RAD51B: variants seen among roughly 807,000 people sequenced by gnomAD.
The protein encoded by RAD51B is RAD51 paralog B, also known as DNA repair protein RAD51 homolog 2.
In RAD51B, 38 loss-of-function variants were observed where a neutral mutation model predicts 42.2. The observed-to-expected ratio is 0.90, with a 90% CI of 0.70 to 1.18. RAD51B has a LOEUF of 1.18. Ranked by LOEUF, RAD51B falls within the 50% of genes most tolerant of loss-of-function variation. The pLI is 0.00. For missense variants in RAD51B, 373 were observed against 400.7 expected (o/e 0.93, Z 0.59); for synonymous variants, 154 against 145.2 (o/e 1.06, Z -0.43).
chr14:68,107,894 A>T (rs550105682), intron 7 of RAD51B, among the ~76,000 whole-genome samples: 30 of 151,982 alleles, frequency 2.0e-4, no homozygotes, highest in African/African-American at 6.7e-4. Flanking sequence ...CTTGAAAGAC[A>T]GTCCACAGAA....
intron 7 of RAD51B, among the ~76,000 whole-genome samples, chr14:67,946,886 C>T (rs1195598695): frequency 6.6e-6 from 1 of 152,086 alleles, no homozygotes; most frequent in Non-Finnish European, 1.5e-5. Flanking sequence ...TTATATATTT[C>T]TGATTAAGTT....
chr14:68,129,619 C>T (rs2077843713), intron 7 of RAD51B, among the ~76,000 whole-genome samples: 1 of 152,052 alleles, frequency 6.6e-6, no homozygotes. Flanking sequence ...GACTTGACTG[C>T]AAAACTAAAT....
At chr14:68,506,572 T>C (rs980905050) in intron 10 of RAD51B, among the ~76,000 whole-genome samples, 2 of 152,238 alleles carry the variant, frequency 1.3e-5, no homozygotes, top group Non-Finnish European at 2.9e-5. Flanking sequence ...CGTGGGAATA[T>C]AAACATCCTT....
At chr14:68,657,673 G>A (rs908937280) in intron 11 of RAD51B, among the ~76,000 whole-genome samples, 1 of 152,256 alleles carries the variant, frequency 6.6e-6, no homozygotes, top group African/African-American at 2.4e-5. Context: ...TTCTTCCTAT[G>A]TGTGTACTGA....
chr14:68,231,757 C>T (rs1254006564), intron 7 of RAD51B, among the ~76,000 whole-genome samples: 3 of 152,126 alleles, frequency 2.0e-5, no homozygotes, highest in Admixed American at 2.0e-4. Flanking sequence ...AAGCAGAAAG[C>T]TTTGCCTAAC....
chr14:68,313,288 A>C (rs1487979528), intron 8 of RAD51B, among the ~76,000 whole-genome samples: 2 of 152,190 alleles, frequency 1.3e-5, no homozygotes, highest in Non-Finnish European at 2.9e-5. Flanking sequence ...CAGCAGCTGA[A>C]TGTCATTCTC....
At chr14:67,959,315 T>G (rs1033835561) in intron 7 of RAD51B, among the ~76,000 whole-genome samples, 5 of 151,994 alleles carry the variant, frequency 3.3e-5, no homozygotes, top group African/African-American at 1.2e-4. Context: ...GGTGCGATCT[T>G]GGCTCACTGC....
chr14:68,301,588 G>A, intron 8 of RAD51B, among the ~76,000 whole-genome samples: 1 of 120,940 alleles, frequency 8.3e-6, no homozygotes, highest in East Asian at 2.4e-4. Context: ...TTTTTTGTTT[G>A]TGTGTTTTTT....
chr14:68,129,372 A>G (rs2077838951), intron 7 of RAD51B, among the ~76,000 whole-genome samples: 1 of 152,234 alleles, frequency 6.6e-6, no homozygotes, highest in African/African-American at 2.4e-5. Flanking sequence ...TACACATGTC[A>G]CATTATTCTT....
Position 68,016,431 on chromosome 14 carries a change from A to T in RAD51B, c.756+129227A>T, listed in dbSNP as rs1471003187. ...CATATAGTAATCCTGCCAACTGGAT[A>T]CAATAGTGTAAGCAACCCCAAGAGC... On this transcript the variant is annotated intron_variant, in intron 7 of 10. Coordinates refer to ENST00000471583, the MANE Select transcript of RAD51B (RefSeq NM_133510.4). Among the ~76,000 whole-genome samples the T allele has an allele frequency of 2.2e-4, 34 of 152,342 alleles. No individual in the cohort carries two copies. In the East Asian group the frequency reaches 6.0e-3, roughly 27 times the overall value.
intron 7 of RAD51B, among the ~76,000 whole-genome samples, chr14:68,139,101 A>G (rs1289564281): frequency 6.6e-6 from 1 of 152,074 alleles, no homozygotes; most frequent in South Asian, 2.1e-4. Flanking sequence ...ATTTATCCTT[A>G]TTTCCTAACA....
chr14:67,918,762 C>A (rs951537196), intron 7 of RAD51B, among the ~76,000 whole-genome samples: 1 of 152,158 alleles, frequency 6.6e-6, no homozygotes, highest in Non-Finnish European at 1.5e-5. Context: ...GACAAGGAAG[C>A]AATACCTTCA....
intron 7 of RAD51B, among the ~76,000 whole-genome samples, chr14:68,161,029 T>C (rs891826145): frequency 6.6e-6 from 1 of 152,240 alleles, no homozygotes; most frequent in South Asian, 2.1e-4. Context: ...TAGGCTCTTA[T>C]ATCGTTGTGT....
intron 9 of RAD51B, among the ~76,000 whole-genome samples, chr14:68,443,663 A>T (rs2085353721): frequency 6.6e-6 from 1 of 151,994 alleles, no homozygotes; most frequent in Non-Finnish European, 1.5e-5. Flanking sequence ...CAAAACCAAG[A>T]CATGGGGTTG....
At chr14:68,135,844 A>G (rs1161503447) in intron 7 of RAD51B, among the ~76,000 whole-genome samples, 1 of 152,216 alleles carries the variant, frequency 6.6e-6, no homozygotes, top group Non-Finnish European at 1.5e-5. Flanking sequence ...TTTTCAGTAG[A>G]GCCTTAAGTT....
At chr14:68,621,023 G>A (rs1891935231) in intron 10 of RAD51B, among the ~76,000 whole-genome samples, 1 of 152,178 alleles carries the variant, frequency 6.6e-6, no homozygotes, top group Non-Finnish European at 1.5e-5. Context: ...GAGGGGACGG[G>A]GCAAGGCCCT....
intron 7 of RAD51B, among the ~76,000 whole-genome samples, chr14:68,054,938 G>A (rs1239951469): frequency 6.6e-6 from 1 of 152,062 alleles, no homozygotes. Context: ...ACACCCAGCT[G>A]GTGTCTACTA....
rs1354224432 is a variant in RAD51B at position 68,126,607 on chromosome 14, G to T, written c.757-165277G>T. On this transcript the variant is annotated intron_variant, in intron 7 of 10. Coordinates refer to ENST00000471583, the MANE Select transcript of RAD51B (RefSeq NM_133510.4). ...TGCAGTGACTTACTTGACAGCAGAG[G>T]TGCTTTTTACTTCCTTAGTACTCAA... is the stretch of plus-strand genomic sequence containing the variant. 2.0e-5 allele frequency among the ~76,000 whole-genome samples: 3 copies of T among 152,300 alleles called. No individual in the cohort carries two copies. In the East Asian group the frequency reaches 5.8e-4, roughly 29 times the overall value.
At chr14:68,229,511 C>T (rs1299108983) in intron 7 of RAD51B, among the ~76,000 whole-genome samples, 1 of 152,138 alleles carries the variant, frequency 6.6e-6, no homozygotes, top group East Asian at 1.9e-4. Context: ...CAGGAATTTG[C>T]CATTGTCAAT....
Sources: allele counts gnomAD v4.1 joint callset (sites outside exome capture counted in the v4.1 genomes callset), GRCh38; gene constraint gnomAD v4.1.1; transcripts MANE v1.5; gene names NCBI Gene and HGNC (gene_info 2026-07-23, HGNC 2026-07-21).